The following ARNT2 variants were observed in gnomAD, a reference collection of about 807,000 sequenced individuals.
ARNT2 encodes the protein aryl hydrocarbon receptor nuclear translocator 2, also known as ARNT protein 2.
In ARNT2, 36 loss-of-function variants were observed where a neutral mutation model predicts 91.7. That is an observed-to-expected ratio of 0.39 (90% CI 0.30 to 0.52). The LOEUF (loss-of-function observed/expected upper bound fraction) is 0.52, where lower values mean the gene tolerates loss of function less well. ARNT2 is among the 20% of genes least tolerant of loss of function. The pLI, the probability that ARNT2 is intolerant of heterozygous loss-of-function variation, is 0.72. For synonymous variants in ARNT2, 365 were observed against 347.1 expected, an observed-to-expected ratio of 1.05 and a Z score of -0.57; for missense variants, 775 against 939.3, an observed-to-expected ratio of 0.83 and a Z score of 2.29.
In ARNT2 at chr15:80,596,196, A is replaced by C. The variant is rs1893372348; in HGVS notation, c.*2498A>C. On this transcript the variant is annotated 3_prime_UTR_variant, in exon 19 of 19. Coordinates refer to ENST00000303329, the MANE Select transcript of ARNT2 (RefSeq NM_014862.4). ...CTACCTCAACAGGGGTCCAGGGTGC[A>C]GTGAACTCAGTTCTTGGCCCTTGGG... 1 of 152,236 alleles carries C rather than the reference A, an allele frequency of 6.6e-6. No individual in the cohort carries two copies. The allele number at this position is 152,236 out of a possible 1,614,324, so 9.4% of individuals were successfully genotyped here.
In ARNT2 at chr15:80,508,159, G is replaced by T; in HGVS notation, c.626G>T (p.Arg209Leu). 3 of 1,613,940 alleles carry T rather than the reference G, an allele frequency of 1.9e-6. No individual in the cohort carries two copies. The highest frequency in any genetic ancestry group is 2.5e-6 in the Non-Finnish European group (3 of 1,179,900). Residue 209 changes from arginine (R) to leucine (L), a missense_variant, in exon 6 of 19, where the codon CGG (arginine) becomes CTG (leucine). This residue lies in a region of ARNT2 where 285 missense variants were observed against 327.2 expected (regional missense o/e 0.87). Coordinates refer to ENST00000303329, the MANE Select transcript of ARNT2 (RefSeq NM_014862.4). The stretch of plus-strand genomic sequence containing the variant: ...ACTGTCCTTCTCTCTCTCTTAGGCC[G>T]GATCTTGGACCTGAAGACTGGGACG... The part of the protein sequence containing the change: ...LCTSENSMTG[R>L]ILDLKTGTVK...
intron 8 of ARNT2, among the ~76,000 whole-genome samples, chr15:80,520,122 A>G (rs890372526): frequency 1.3e-5 from 2 of 151,578 alleles, no homozygotes; most frequent in Admixed American, 6.6e-5. Context: ...AGTTCCTGAG[A>G]TTTATCTTCC....
At chr15:80,581,130 A>T in intron 16 of ARNT2, 109 bp from the exon 17 acceptor site, 1 of 1,334,452 alleles carries the variant, frequency 7.5e-7, no homozygotes, top group Non-Finnish European at 1.1e-6. Context: ...ATGGGGAGTC[A>T]CTGTCAACCC....
chr15:80,429,962 G>A (rs1408993903), intron 1 of ARNT2, among the ~76,000 whole-genome samples: 3 of 152,052 alleles, frequency 2.0e-5, no homozygotes, highest in African/African-American at 7.2e-5. Context: ...CTCTCCTTTG[G>A]TAGTCACATC....
chr15:80,515,065 T>C (rs1220695893), intron 8 of ARNT2, among the ~76,000 whole-genome samples: 3 of 152,240 alleles, frequency 2.0e-5, no homozygotes, highest in Non-Finnish European at 4.4e-5. Flanking sequence ...AAAGCCACAC[T>C]GAGATACATC....
At chr15:80,485,151 T>C (rs1896949181) in intron 5 of ARNT2, among the ~76,000 whole-genome samples, 1 of 152,216 alleles carries the variant, frequency 6.6e-6, no homozygotes, top group Non-Finnish European at 1.5e-5. Flanking sequence ...TGCCCTGCTT[T>C]ATTTGTCTTC....
At position 80,505,924 on chromosome 15, in the gene ARNT2, G is replaced by GTTTTTTTTTTTTTTTTTTTTTTTTTT. The variant is rs1486880107; in HGVS notation, c.623-2230_623-2229insTTTTTTTTTTTTTTTTTTTTTTTTTT. ...AAAGAAAAAATGATTCCCAACATTT[G>GTTTTTTTTTTTTTTTTTTTTTTTTTT]TTGTTTTTTTTTTTTTTTTTTTTGA... On this transcript the variant is annotated intron_variant, in intron 5 of 18. Transcript: ENST00000303329. 3.7e-4 allele frequency among the ~76,000 whole-genome samples: 26 copies of GTTTTTTTTTTTTTTTTTTTTTTTTTT among 71,180 alleles called. 1 individual carries two copies. Among genetic ancestry groups the GTTTTTTTTTTTTTTTTTTTTTTTTTT allele is most frequent in the African/African-American group, 1.6e-3 (24 of 15,230 alleles). The allele number at this position is 71,180 out of a possible 152,430, so 46.7% of individuals were successfully genotyped here.
At chr15:80,461,914 G>A (rs924987792) in intron 3 of ARNT2, among the ~76,000 whole-genome samples, 1 of 152,172 alleles carries the variant, frequency 6.6e-6, no homozygotes, top group African/African-American at 2.4e-5. Flanking sequence ...CTAACAGCAG[G>A]TGGTGATAAA....
intron 1 of ARNT2, among the ~76,000 whole-genome samples, chr15:80,413,839 G>T (rs2141555510): frequency 6.6e-6 from 1 of 152,238 alleles, no homozygotes; most frequent in Middle Eastern, 3.4e-3. Context: ...AGGAGAGGAG[G>T]GTGGCCTTCC....
intron 5 of ARNT2, among the ~76,000 whole-genome samples, chr15:80,484,600 T>C: frequency 6.6e-6 from 1 of 152,270 alleles, no homozygotes; most frequent in Admixed American, 6.5e-5. Flanking sequence ...GAACTGTTTG[T>C]GTTTTTTTCT....
At chr15:80,486,137 A>G (rs1356315894) in intron 5 of ARNT2, among the ~76,000 whole-genome samples, 6 of 152,180 alleles carry the variant, frequency 3.9e-5, no homozygotes, top group African/African-American at 1.4e-4. Flanking sequence ...TGTCTCCATC[A>G]TAAGGTGGCA....
chr15:80,420,340 C>T (rs1220658747), intron 1 of ARNT2, among the ~76,000 whole-genome samples: 1 of 152,132 alleles, frequency 6.6e-6, no homozygotes, highest in Non-Finnish European at 1.5e-5. Context: ...GTACAGTACT[C>T]TCCCAAGATG....
intron 1 of ARNT2, among the ~76,000 whole-genome samples, chr15:80,431,363 A>G (rs1279245148): frequency 6.6e-6 from 1 of 151,598 alleles, no homozygotes; most frequent in Non-Finnish European, 1.5e-5. Context: ...GATCAGATCC[A>G]CCCCCTCCCA....
At chr15:80,560,110 A>G (rs1567001515) in intron 11 of ARNT2, 1 of 152,258 alleles carries the variant, frequency 6.6e-6, no homozygotes. Flanking sequence ...TCAGATCCTG[A>G]CTGCAGGTCA....
At chr15:80,499,318 A>AC (rs1450901313) in intron 5 of ARNT2, among the ~76,000 whole-genome samples, 2 of 151,984 alleles carry the variant, frequency 1.3e-5, no homozygotes, top group Non-Finnish European at 2.9e-5. Context: ...TAGATAAAAT[A>AC]CTGTAACACA....
chr15:80,432,264 G>C (rs1424228341), intron 1 of ARNT2, among the ~76,000 whole-genome samples: 2 of 152,316 alleles, frequency 1.3e-5, no homozygotes, highest in East Asian at 1.9e-4. Context: ...AGCTGAATTA[G>C]AGGTAGAAGA....
intron 17 of ARNT2, among the ~76,000 whole-genome samples, chr15:80,583,441 C>T (rs1898836358): frequency 6.6e-6 from 1 of 152,162 alleles, no homozygotes; most frequent in Non-Finnish European, 1.5e-5. Flanking sequence ...AGGACGAAGC[C>T]CTGGGTTGAG....
At chr15:80,414,211 A>C (rs1437510181) in intron 1 of ARNT2, among the ~76,000 whole-genome samples, 1 of 152,232 alleles carries the variant, frequency 6.6e-6, no homozygotes, top group Non-Finnish European at 1.5e-5. Flanking sequence ...CAATGTCTGG[A>C]AACATTCTTG....
At chr15:80,412,316 C>A (rs541908346) in intron 1 of ARNT2, among the ~76,000 whole-genome samples, 1 of 152,326 alleles carries the variant, frequency 6.6e-6, no homozygotes, top group Admixed American at 6.5e-5. Flanking sequence ...GAGGTTGGAG[C>A]TCTTCTCCTA....
Sources: gnomAD v4.1 joint callset for allele counts (sites outside exome capture counted in the v4.1 genomes callset) on GRCh38, gnomAD v4.1.1 for gene constraint, gnomAD v4.1.1 regional missense constraint, MANE v1.5 for transcripts, NCBI Gene and HGNC (gene_info 2026-07-23, HGNC 2026-07-21) for gene names.